Variants in VIL1 observed in about 807,000 individuals in gnomAD.
The protein encoded by VIL1 is villin-1.
A neutral mutation model predicts 104.0 loss-of-function variants in VIL1; 86 were observed. That is an observed-to-expected ratio of 0.83 (90% CI 0.69 to 0.99). The LOEUF (loss-of-function observed/expected upper bound fraction) is 0.99. VIL1 is among the 50% of genes least tolerant of loss of function. The pLI is 0.00. For synonymous variants in VIL1, 394 were observed against 412.6 expected, an observed-to-expected ratio of 0.95 and a Z score of 0.55; for missense variants, 944 against 1,054.1, an observed-to-expected ratio of 0.90 and a Z score of 1.45.
chr2:218,432,765 C>T (rs1689121254), intron 12 of VIL1, 28 bp from the exon 13 acceptor site: 3 of 1,612,994 alleles, frequency 1.9e-6, no homozygotes, highest in Non-Finnish European at 2.5e-6. Flanking sequence ...TGACCCAATC[C>T]CACTCACTCC....
rs545253242 is a variant in VIL1 at position 218,449,219 on chromosome 2, C to T, written c.2371-4C>T. The T allele has an allele frequency of 3.1e-6, 5 of 1,611,992 alleles. No individual in the cohort carries two copies. In the Admixed American group the frequency reaches 5.0e-5, roughly 16 times the overall value. On this transcript the variant is annotated splice_polypyrimidine_tract_variant and splice_region_variant and intron_variant, in intron 19 of 19. Coordinates refer to ENST00000248444, the MANE Select transcript of VIL1 (RefSeq NM_007127.3). ...TTTGCCCTCTGGTCCCTCTCTTCTT[C>T]TAGGAACACCTGTCCATTGAAGATT...
chr2:218,424,308 C>A lies in VIL1; in HGVS notation c.107C>A (p.Thr36Asn). The change falls in exon 3 of 20, where the codon ACC becomes AAC. Residue 36 changes from threonine (T) to asparagine (N), a missense_variant. Transcript: ENST00000248444. ...AMQMVPVPSSTFGSFFDGDCY... is the reference protein window; with the variant it reads ...AMQMVPVPSSNFGSFFDGDCY... ...CAGATGGTGCCTGTTCCTTCCAGCA[C>A]CTTTGGAAGCTTCTTCGATGGTGAC... is the stretch of plus-strand genomic sequence containing the variant. The A allele has an allele frequency of 6.2e-7, 1 of 1,614,086 alleles. No homozygotes were observed. The highest frequency in any genetic ancestry group is 1.1e-5 in the South Asian group (1 of 91,084).
intron 18 of VIL1, among the ~76,000 whole-genome samples, chr2:218,440,197 A>C (rs1006543760): frequency 2.0e-5 from 3 of 152,236 alleles, no homozygotes; most frequent in African/African-American, 7.2e-5. Flanking sequence ...GCCATGGGAA[A>C]GTTAATGAAT....
intron 1 of VIL1, among the ~76,000 whole-genome samples, chr2:218,420,747 G>A (rs941089484): frequency 2.6e-5 from 4 of 151,912 alleles, no homozygotes; most frequent in Non-Finnish European, 5.9e-5. Context: ...CATCTCGCCC[G>A]GCTAATTTTT....
intron 10 of VIL1, chr2:218,431,238 C>A: frequency 2.5e-6 from 1 of 403,406 alleles, no homozygotes. Context: ...GTAACCCCAG[C>A]TACTCAGAAG....
Position 218,437,218 on chromosome 2 carries a change from G to A in VIL1, c.2066G>A (p.Arg689His), listed in dbSNP as rs145276026. ...TACCTCAAGACCCATCCCAGCGGGC[G>A]TGACCCTGAGACCCCCATCATTGTG... ...QEYLKTHPSG[R>H]DPETPIIVVK... The change falls in exon 17 of 20, where the codon CGT becomes CAT. Residue 689 changes from arginine (R) to histidine (H), a missense_variant. Coordinates refer to ENST00000248444, the MANE Select transcript of VIL1 (RefSeq NM_007127.3). 4.0e-5 allele frequency: 65 copies of A among 1,614,200 alleles called. No homozygotes were observed. The African/African-American group carries it at 6.3e-4, about 16-fold the overall frequency.
intron 13 of VIL1, among the ~76,000 whole-genome samples, chr2:218,433,388 T>C (rs1689132312): frequency 6.6e-6 from 1 of 151,844 alleles, no homozygotes; most frequent in East Asian, 1.9e-4. Flanking sequence ...TGAGCCGAGA[T>C]TGTGCCAATG....
Position 218,433,370 on chromosome 2 carries a change from G to GGTTGCAGTGAGCCGAGATTGTGCC in VIL1, c.1500+420_1500+443dup, listed in dbSNP as rs1689132083. ...GAATCTCTTCAACCTGGGAGGCGGA[G>GGTTGCAGTGAGCCGAGATTGTGCC]GTTGCAGTGAGCCGAGATTGTGCCA... On this transcript the variant is annotated intron_variant, in intron 13 of 19. Coordinates refer to ENST00000248444, the MANE Select transcript of VIL1 (RefSeq NM_007127.3). Among the ~76,000 whole-genome samples, 4 of 152,032 alleles carry GGTTGCAGTGAGCCGAGATTGTGCC rather than the reference G, an allele frequency of 2.6e-5. No homozygotes were observed. The South Asian group carries it at 8.3e-4, about 31-fold the overall frequency.
intron 1 of VIL1, among the ~76,000 whole-genome samples, chr2:218,423,295 T>C (rs57532596): frequency 0.1 from 15,727 of 152,140 alleles, 2,538 homozygotes; most frequent in African/African-American, 0.35. Context: ...TGCGGGAGGT[T>C]GAGGTAGGAG....
At chr2:218,429,571 A>G (rs1559146805) in intron 7 of VIL1, 26 bp from the exon 8 acceptor site, 1 of 1,614,046 alleles carries the variant, frequency 6.2e-7, no homozygotes, top group East Asian at 2.2e-5. Context: ...CCCCCTCCCC[A>G]TCTATGCCTT....
In VIL1 at chr2:218,450,059, G is replaced by A. The variant is rs996160151; in HGVS notation, c.*723G>A. 6.6e-6 allele frequency: 1 copy of A among 152,172 alleles called. No homozygotes were observed. Among genetic ancestry groups the A allele is most frequent in the African/African-American group, 2.4e-5 (1 of 41,440 alleles). 9.4% of individuals were successfully genotyped at this position (152,172 alleles called of 1,614,324 possible). A position where few individuals can be genotyped will look rare whatever the true frequency, so the allele number is the denominator to read the frequency against. On this transcript the variant is annotated 3_prime_UTR_variant, in exon 20 of 20. Coordinates refer to ENST00000248444, the MANE Select transcript of VIL1 (RefSeq NM_007127.3). ...TCTGCAAAGCTTCACAGGCTCCTCA[G>A]ATGAAAATAACAGGAATCAATGGGG...
At chr2:218,430,157 G>A (rs1039799966) in intron 9 of VIL1, among the ~76,000 whole-genome samples, 4 of 152,194 alleles carry the variant, frequency 2.6e-5, no homozygotes, top group Non-Finnish European at 5.9e-5. Flanking sequence ...GGGGTTCTCT[G>A]CACACCAGGG....
chr2:218,434,527 G>T lies in VIL1; in HGVS notation c.1502G>T (p.Gly501Val). 1 of 1,609,800 alleles carries T rather than the reference G, an allele frequency of 6.2e-7. No individual in the cohort carries two copies. The highest frequency in any genetic ancestry group is 1.1e-5 in the South Asian group (1 of 90,370). Reference protein sequence around the residue: ...IFKGRMVVYQGGTSRTNNLET... With the variant: ...IFKGRMVVYQVGTSRTNNLET... ...CCTGTCTTCTGCCCTCACCTGCAGGGAGGCACCTCCCGAACTAACAACTTG... is the reference window on the plus strand; with the variant it reads ...CCTGTCTTCTGCCCTCACCTGCAGGTAGGCACCTCCCGAACTAACAACTTG... Residue 501 changes from glycine (G) to valine (V), a missense_variant and splice_region_variant, in exon 14 of 20, where the codon GGA (glycine) becomes GTA (valine). Gly to Val is a moderately radical substitution (Grantham distance 109). Coordinates refer to ENST00000248444, the MANE Select transcript of VIL1 (RefSeq NM_007127.3).
Position 218,424,307 on chromosome 2 carries a change from A to T in VIL1, c.106A>T (p.Thr36Ser). 1 of 1,613,622 alleles carries T rather than the reference A, an allele frequency of 6.2e-7. No homozygotes were observed. Among genetic ancestry groups the T allele is most frequent in the Non-Finnish European group, 8.5e-7 (1 of 1,179,930 alleles). The change falls in exon 3 of 20, where the codon ACC (threonine) becomes TCC (serine). Residue 36 changes from threonine to serine, a missense_variant. Thr to Ser is a moderately conservative substitution (Grantham distance 58). Transcript: ENST00000248444. ...AMQMVPVPSS[T>S]FGSFFDGDCY... ...GCAGATGGTGCCTGTTCCTTCCAGC[A>T]CCTTTGGAAGCTTCTTCGATGGTGA...
At chr2:218,443,682 C>T (rs1689320397) in intron 19 of VIL1, among the ~76,000 whole-genome samples, 2 of 151,024 alleles carry the variant, frequency 1.3e-5, no homozygotes, top group South Asian at 4.2e-4. Context: ...TGAGACAGAG[C>T]CTCTTTCTGT....
Position 218,435,289 on chromosome 2 carries a change from G to A in VIL1, c.1681G>A (p.Gly561Ser). The A allele has an allele frequency of 6.2e-7, 1 of 1,611,542 alleles. No homozygotes were observed. Among genetic ancestry groups the A allele is most frequent in the East Asian group, 2.2e-5 (1 of 44,848 alleles). The part of the protein sequence containing the change: ...QSCCYLWCGK[G>S]CSGDEREMAK... Reference sequence around the variant, plus strand: ...ATTAGCCAACTCTTTTTTTTCCTAGGGTTGTAGCGGGGACGAGCGGGAGAT... The same window carrying A: ...ATTAGCCAACTCTTTTTTTTCCTAGAGTTGTAGCGGGGACGAGCGGGAGAT... The change falls in exon 15 of 20, where the codon GGT (glycine) becomes AGT (serine). Residue 561 changes from glycine (G) to serine (S), a missense_variant and splice_region_variant. By Grantham distance (56) the Gly-to-Ser change is moderately conservative. Coordinates refer to ENST00000248444, the MANE Select transcript of VIL1 (RefSeq NM_007127.3).
intron 1 of VIL1, among the ~76,000 whole-genome samples, chr2:218,421,789 C>G (rs1688901886): frequency 6.6e-6 from 1 of 152,156 alleles, no homozygotes; most frequent in Admixed American, 6.6e-5. Context: ...GCAAGAAGTG[C>G]CTGCTCATGT....
At position 218,450,149 on chromosome 2, in the gene VIL1, C is replaced by A. The variant is rs971559066; in HGVS notation, c.*813C>A. On this transcript the variant is annotated 3_prime_UTR_variant, in exon 20 of 20. Transcript: ENST00000248444. ...AGAAGTAACAGTGCTGCAAGGAAGT[C>A]CATGTCAGAAAGCCAACAGAAGGTG... 1 of 152,148 alleles carries A rather than the reference C, an allele frequency of 6.6e-6. No homozygotes were observed. Among genetic ancestry groups the A allele is most frequent in the African/African-American group, 2.4e-5 (1 of 41,426 alleles). The allele number at this position is 152,148 out of a possible 1,614,324, so 9.4% of individuals were successfully genotyped here.
intron 1 of VIL1, among the ~76,000 whole-genome samples, chr2:218,422,669 A>G (rs1484480422): frequency 6.6e-6 from 1 of 152,214 alleles, no homozygotes; most frequent in African/African-American, 2.4e-5. Context: ...CTCAAAGTCA[A>G]GGTGCAAGGA....
Sources: gnomAD v4.1 joint callset for allele counts (sites outside exome capture counted in the v4.1 genomes callset) on GRCh38, gnomAD v4.1.1 for gene constraint, MANE v1.5 for transcripts, NCBI Gene and HGNC (gene_info 2026-07-23, HGNC 2026-07-21) for gene names.